SATB2: variants seen among roughly 807,000 people sequenced by gnomAD.
SATB2 encodes the protein DNA-binding protein SATB2.
SATB2 carries 1 observed loss-of-function variant against 73.4 expected under a neutral mutation model. That is an observed-to-expected ratio of 0.01 (90% confidence interval 0.00 to 0.06). SATB2 has a LOEUF of 0.06. Among genes scored for constraint, SATB2 ranks in the 10% least tolerant of loss-of-function variants. The pLI, the probability that SATB2 is intolerant of heterozygous loss-of-function variation, is 1.00. For missense variants in SATB2, 459 were observed against 945.8 expected (o/e 0.49, Z 6.75); for synonymous variants, 397 against 367.0 (o/e 1.08, Z -0.93).
rs180902465 is a variant in SATB2, at chr2:199,412,621, T to C, written c.346+20717A>G. 1.7e-3 allele frequency among the ~76,000 whole-genome samples: 256 copies of C among 152,314 alleles called. No homozygotes were observed. In the Middle Eastern group the frequency reaches 0.017, roughly 10 times the overall value. On this transcript the variant is annotated intron_variant, in intron 3 of 10. Coordinates refer to ENST00000417098, the MANE Select transcript of SATB2 (RefSeq NM_001172509.2). The stretch of plus-strand genomic sequence containing the variant: ...TAGGTAATAAGTCCCCCAAAGGTAG[T>C]GGTCATATTTTCTATTTCTTTGTAT...
At chr2:199,335,932 A>C (rs1397197296) in intron 7 of SATB2, among the ~76,000 whole-genome samples, 1 of 152,194 alleles carries the variant, frequency 6.6e-6, no homozygotes. Context: ...CCCACATAAC[A>C]CAAAGTGAGT....
At chr2:199,360,888 G>A (rs1450624357) in intron 6 of SATB2, among the ~76,000 whole-genome samples, 1 of 151,880 alleles carries the variant, frequency 6.6e-6, no homozygotes, top group Non-Finnish European at 1.5e-5. Flanking sequence ...AAAGCCAAGA[G>A]CCTCCAATTC....
chr2:199,367,329 A>G (rs916702190), intron 6 of SATB2, among the ~76,000 whole-genome samples: 2 of 152,172 alleles, frequency 1.3e-5, no homozygotes, highest in African/African-American at 4.8e-5. Flanking sequence ...TTGAAAAGAA[A>G]TGGATCTTAA....
intron 9 of SATB2, among the ~76,000 whole-genome samples, chr2:199,317,290 C>G (rs186469800): frequency 6.6e-6 from 1 of 152,072 alleles, no homozygotes; most frequent in Non-Finnish European, 1.5e-5. Context: ...ATAGTCTCAA[C>G]AGCAAAGTGG....
intron 3 of SATB2, among the ~76,000 whole-genome samples, chr2:199,407,793 T>C: frequency 6.6e-6 from 1 of 152,156 alleles, no homozygotes; most frequent in Non-Finnish European, 1.5e-5. Flanking sequence ...AGTATAAACC[T>C]ACTGGCCTAG....
intron 3 of SATB2, among the ~76,000 whole-genome samples, chr2:199,406,713 A>G (rs1283899769): frequency 6.6e-6 from 1 of 152,172 alleles, no homozygotes; most frequent in African/African-American, 2.4e-5. Flanking sequence ...GAAAGGTACA[A>G]TAAGGGCATT....
intron 2 of SATB2, among the ~76,000 whole-genome samples, chr2:199,434,144 T>G (rs1691586498): frequency 6.6e-6 from 1 of 152,130 alleles, no homozygotes; most frequent in South Asian, 2.1e-4. Context: ...GTAAATAGGT[T>G]ATCAACTAGC....
At chr2:199,396,143 TA>T (rs1172600555) in intron 3 of SATB2, 6 of 152,198 alleles carry the variant, frequency 3.9e-5, no homozygotes, top group Admixed American at 3.9e-4. Context: ...AATCTGCAGA[TA>T]GGGCCCAATT....
At chr2:199,453,801 C>A (rs1215051322) in intron 2 of SATB2, among the ~76,000 whole-genome samples, 1 of 151,966 alleles carries the variant, frequency 6.6e-6, no homozygotes, top group Non-Finnish European at 1.5e-5. Flanking sequence ...AATCTCTTTA[C>A]ACACTATTAT....
At chr2:199,462,422 A>G (rs1178955867), upstream of SATB2, among the ~76,000 whole-genome samples, 1 of 152,206 alleles carries the variant, frequency 6.6e-6, no homozygotes. This position sits in a 1 kb window ranked among gnomAD's most constrained non-coding sequence, Gnocchi z 5.9. Flanking sequence ...CGCCAAGAGG[A>G]CAAGAGCCAG....
At chr2:199,319,750 T>G (rs548210611) in intron 9 of SATB2, among the ~76,000 whole-genome samples, 1 of 151,840 alleles carries the variant, frequency 6.6e-6, no homozygotes, top group Non-Finnish European at 1.5e-5. Context: ...ATAATAAAGA[T>G]TAACTCTCCT....
chr2:199,383,848 T>C (rs1181884327), intron 3 of SATB2, among the ~76,000 whole-genome samples: 1 of 152,196 alleles, frequency 6.6e-6, no homozygotes, highest in Non-Finnish European at 1.5e-5. Context: ...TATGATTTCA[T>C]TTATATGAAA....
intron 7 of SATB2, 169 bp from the exon 8 acceptor site, chr2:199,329,079 C>T (rs1452201566): frequency 3.0e-6 from 2 of 674,418 alleles, no homozygotes; most frequent in Admixed American, 2.1e-5. Flanking sequence ...ATGTGCTTGC[C>T]TTCCGGGGGA....
intron 10 of SATB2, among the ~76,000 whole-genome samples, chr2:199,285,882 T>TTG (rs1363944576): frequency 1.3e-5 from 2 of 150,676 alleles, no homozygotes; most frequent in Non-Finnish European, 3.0e-5. Flanking sequence ...AGTCTGTTTT[T>TTG]TTTTTTTTTT....
chr2:199,446,252 T>C (rs1459990269), intron 2 of SATB2, among the ~76,000 whole-genome samples: 2 of 152,214 alleles, frequency 1.3e-5, no homozygotes, highest in Admixed American at 6.5e-5. Context: ...CAGGGTTTTC[T>C]TGTATACAGG....
chr2:199,428,075 A>G (rs1326642773), intron 3 of SATB2, among the ~76,000 whole-genome samples: 1 of 152,176 alleles, frequency 6.6e-6, no homozygotes, highest in Non-Finnish European at 1.5e-5. Flanking sequence ...TCAGATCAAC[A>G]CTGACAAAAC....
chr2:199,392,475 T>C, intron 3 of SATB2, among the ~76,000 whole-genome samples: 1 of 152,146 alleles, frequency 6.6e-6, no homozygotes, highest in Admixed American at 6.5e-5. Flanking sequence ...TAAACCATAT[T>C]TAGACTATAA....
chr2:199,390,988 C>T lies in SATB2; in HGVS notation c.347-9168G>A, dbSNP rs112294111. 4.6e-3 allele frequency among the ~76,000 whole-genome samples: 704 copies of T among 152,174 alleles called. 16 individuals are homozygous for T. In the South Asian group the frequency reaches 0.05, roughly 11 times the overall value. On this transcript the variant is annotated intron_variant, in intron 3 of 10. Transcript: ENST00000417098. The stretch of plus-strand genomic sequence containing the variant: ...CATATATTAATAATATGAAGGCAAA[C>T]GTATATTCATTTATGTTGTACATTT...
chr2:199,433,832 T>A (rs940254102), intron 2 of SATB2, among the ~76,000 whole-genome samples: 3 of 152,190 alleles, frequency 2.0e-5, no homozygotes, highest in African/African-American at 4.8e-5. Context: ...GTTTTATCAT[T>A]AACTATCAGC....
Sources: gnomAD v4.1 joint callset for allele counts (sites outside exome capture counted in the v4.1 genomes callset) on GRCh38, gnomAD v4.1.1 for gene constraint, Gnocchi (gnomAD v3.1) non-coding constraint, MANE v1.5 for transcripts, NCBI Gene and HGNC (gene_info 2026-07-23, HGNC 2026-07-21) for gene names.